Variants in MAML3 observed in about 807,000 individuals in gnomAD.
MAML3 encodes the protein mastermind-like protein 3.
Under a neutral mutation model 101.9 loss-of-function variants are expected in MAML3, and 27 were observed. That is an observed-to-expected ratio of 0.27 (90% CI 0.20 to 0.37). The LOEUF (loss-of-function observed/expected upper bound fraction) is 0.37. MAML3 is among the 10% of genes least tolerant of loss of function. The pLI is 1.00. For synonymous variants in MAML3, 501 were observed against 555.9 expected (o/e 0.90, Z 1.39); for missense variants, 1,316 against 1,444.9 (o/e 0.91, Z 1.45).
intron 1 of MAML3, among the ~76,000 whole-genome samples, chr4:139,947,443 G>C (rs905649825): frequency 6.6e-6 from 1 of 152,164 alleles, no homozygotes; most frequent in Non-Finnish European, 1.5e-5. Flanking sequence ...AGGAACCTGG[G>C]AAAGTCTGGT....
At chr4:139,866,970 G>A (rs1289303518) in intron 2 of MAML3, among the ~76,000 whole-genome samples, 1 of 152,122 alleles carries the variant, frequency 6.6e-6, no homozygotes, top group Non-Finnish European at 1.5e-5. Context: ...TTTGTTCCTC[G>A]CAGCACCCAC....
intron 1 of MAML3, among the ~76,000 whole-genome samples, chr4:139,982,347 A>G (rs1734459468): frequency 6.6e-6 from 1 of 152,124 alleles, no homozygotes; most frequent in Admixed American, 6.5e-5. Context: ...ATACTTCCTT[A>G]ACTCTTGCTG....
chr4:139,877,673 C>T (rs1032614258), intron 2 of MAML3, among the ~76,000 whole-genome samples: 4 of 152,122 alleles, frequency 2.6e-5, no homozygotes, highest in Admixed American at 6.5e-5. Flanking sequence ...CTCAATGCTG[C>T]GAAAACTTTT....
At chr4:139,993,245 G>T (rs375977068) in intron 1 of MAML3, among the ~76,000 whole-genome samples, 117 of 151,692 alleles carry the variant, frequency 7.7e-4, no homozygotes, top group Non-Finnish European at 1.4e-3. Context: ...TCAGCTGCTC[G>T]GGAGGCTGAG....
chr4:139,863,678 T>A (rs760924853), intron 2 of MAML3, among the ~76,000 whole-genome samples: 1 of 152,162 alleles, frequency 6.6e-6, no homozygotes, highest in Non-Finnish European at 1.5e-5. Context: ...ACATTGTTTC[T>A]TCCTCTCTCA....
chr4:139,889,845 C>T lies in MAML3; in HGVS notation c.1591G>A (p.Ala531Thr), dbSNP rs771912133. ...LGPPSSPYGA[A>T]FTAEKPNSPM... Reference sequence around the variant, plus strand: ...CTATTTGGTTTTTCTGCAGTAAAAGCTGCTCCATATGGACTAGAGGGAGGT... The same window carrying T: ...CTATTTGGTTTTTCTGCAGTAAAAGTTGCTCCATATGGACTAGAGGGAGGT... Residue 531 changes from alanine to threonine, a missense_variant, in exon 2 of 5, where the codon GCT becomes ACT. Coordinates refer to ENST00000509479, the MANE Select transcript of MAML3 (RefSeq NM_018717.5). 3.0e-5 allele frequency: 48 copies of T among 1,613,740 alleles called. No homozygotes were observed. The South Asian group carries it at 5.1e-4, about 17-fold the overall frequency.
chr4:140,055,744 C>A (rs966858239), intron 1 of MAML3, among the ~76,000 whole-genome samples: 1 of 151,922 alleles, frequency 6.6e-6, no homozygotes, highest in African/African-American at 2.4e-5. Flanking sequence ...CTACTCAGTA[C>A]CCACCATGGG....
At chr4:139,810,401 G>A (rs1057230711) in intron 2 of MAML3, among the ~76,000 whole-genome samples, 1 of 151,930 alleles carries the variant, frequency 6.6e-6, no homozygotes, top group African/African-American at 2.4e-5. Flanking sequence ...TGTTGCCCAG[G>A]CTGATCTCAA....
intron 1 of MAML3, among the ~76,000 whole-genome samples, chr4:139,970,939 G>GA (rs1254926852): frequency 2.0e-5 from 3 of 152,154 alleles, no homozygotes; most frequent in Non-Finnish European, 4.4e-5. Context: ...GAAAGATATG[G>GA]AATCGCCCAT....
chr4:140,123,896 G>A lies in MAML3; in HGVS notation c.468+28964C>T, dbSNP rs751048101. Among the ~76,000 whole-genome samples, 43 of 152,182 alleles carry A rather than the reference G, an allele frequency of 2.8e-4. 1 individual carries two copies. The highest frequency in any genetic ancestry group is 2.2e-4 in the African/African-American group (9 of 41,454). On this transcript the variant is annotated intron_variant, in intron 1 of 4. Coordinates refer to ENST00000509479, the MANE Select transcript of MAML3 (RefSeq NM_018717.5). ...CTTTGTAAGGCTTCTGAGGTGGTGC[G>A]AGGTGAGACCTTTTCTTAGGCAGCT...
chr4:139,720,261 G>A lies in MAML3; in HGVS notation c.2479C>T (p.Arg827Trp), dbSNP rs772679392. 31 of 1,593,366 alleles carry A rather than the reference G, an allele frequency of 1.9e-5. No homozygotes were observed. The highest frequency in any genetic ancestry group is 1.2e-4 in the Admixed American group (7 of 59,078). The change falls in exon 5 of 5, where the codon CGG becomes TGG. Residue 827 changes from arginine to tryptophan, a missense_variant. Physicochemically the swap from Arg to Trp is moderately radical, Grantham distance 101 (BLOSUM62 -3). Transcript: ENST00000509479. The stretch of plus-strand genomic sequence containing the variant: ...ATGCCTGCGTTCTGTGCCATCAGCC[G>A]TGACGTTCGCATGCTCTGGAGGGCT... The part of the protein sequence containing the change: ...QAALQSMRTS[R>W]LMAQNAGMMG...
intron 1 of MAML3, among the ~76,000 whole-genome samples, chr4:139,905,342 A>T (rs1732801733): frequency 6.6e-6 from 1 of 152,052 alleles, no homozygotes; most frequent in Non-Finnish European, 1.5e-5. Flanking sequence ...ATACAAAAAA[A>T]TTAGCTGGGT....
chr4:140,113,896 T>C (rs150541906), intron 1 of MAML3, among the ~76,000 whole-genome samples: 15 of 152,286 alleles, frequency 9.8e-5, no homozygotes, highest in African/African-American at 3.4e-4. Context: ...GAAACCCACA[T>C]ACTGAGTCTT....
chr4:139,986,173 C>T (rs527626513), intron 1 of MAML3, among the ~76,000 whole-genome samples: 3 of 152,294 alleles, frequency 2.0e-5, no homozygotes, highest in Admixed American at 6.5e-5. Flanking sequence ...TTCCGAGTTT[C>T]GTTGTGGACA....
At chr4:140,085,870 A>C (rs1727943356) in intron 1 of MAML3, among the ~76,000 whole-genome samples, 2 of 151,902 alleles carry the variant, frequency 1.3e-5, no homozygotes, top group African/African-American at 4.8e-5. Context: ...GTCGTTTTTT[A>C]ATTATTTTAT....
chr4:139,960,424 G>A (rs1733990067), intron 1 of MAML3, among the ~76,000 whole-genome samples: 1 of 152,118 alleles, frequency 6.6e-6, no homozygotes, highest in Non-Finnish European at 1.5e-5. Context: ...ACAGAATCCT[G>A]GATTTTATGC....
At chr4:140,151,616 G>A (rs537168491) in intron 1 of MAML3, among the ~76,000 whole-genome samples, 8 of 152,114 alleles carry the variant, frequency 5.3e-5, no homozygotes, top group Non-Finnish European at 4.4e-5. Context: ...ACGGGAAACA[G>A]GCGAAGGCGC....
intron 1 of MAML3, among the ~76,000 whole-genome samples, chr4:140,104,370 A>ATATATAATATATATATTATATAT (rs1728301947): frequency 4.4e-5 from 1 of 22,526 alleles, no homozygotes; most frequent in African/African-American, 1.7e-4. Flanking sequence ...TTTTATATAT[A>ATATATAATATATATATTATATAT]TATATAATAT....
intron 1 of MAML3, chr4:140,134,626 T>A (rs1230465901): frequency 3.4e-6 from 1 of 295,406 alleles, no homozygotes; most frequent in Non-Finnish European, 6.6e-6. Context: ...AATATACATA[T>A]ACATACATGT....
Sources: allele counts gnomAD v4.1 joint callset (sites outside exome capture counted in the v4.1 genomes callset), GRCh38; gene constraint gnomAD v4.1.1; transcripts MANE v1.5; gene names NCBI Gene and HGNC (gene_info 2026-07-23, HGNC 2026-07-21).